ARAP1: variants seen among roughly 807,000 people sequenced by gnomAD.
ARAP1 encodes the protein ArfGAP with RhoGAP domain, ankyrin repeat and PH domain 1, also known as arf-GAP with Rho-GAP domain, ANK repeat and PH domain-containing protein 1.
In ARAP1, 76 loss-of-function variants were observed where a neutral mutation model predicts 172.2. The ratio of observed to expected loss-of-function variants is 0.44; its 90% confidence interval spans 0.37 to 0.53. The LOEUF (loss-of-function observed/expected upper bound fraction) is 0.53. ARAP1 is among the 20% of genes least tolerant of loss of function. The probability of loss-of-function intolerance (pLI) is 0.00; values close to 1 mark genes in which losing one functional copy is unlikely to be tolerated. For missense variants in ARAP1, 1,686 were observed against 1,977.5 expected (o/e 0.85, Z 2.80); for synonymous variants, 804 against 803.3 (o/e 1.00, Z -0.01).
At chr11:72,707,510 T>A in intron 11 of ARAP1, 136 bp from the exon 12 acceptor site, 1 of 741,652 alleles carries the variant, frequency 1.3e-6, no homozygotes, top group Non-Finnish European at 2.1e-6. Context: ...CCCACTCTGG[T>A]AGGGAAGGTA....
chr11:72,746,063 T>A (rs1044424793), intron 1 of ARAP1, among the ~76,000 whole-genome samples: 3 of 152,184 alleles, frequency 2.0e-5, no homozygotes, highest in South Asian at 2.1e-4. Flanking sequence ...CTTCAAGGCT[T>A]AACCTTGGTC....
Position 72,741,601 on chromosome 11 carries a change from C to A in ARAP1, c.-127-9004G>T, listed in dbSNP as rs1858200423. Among the ~76,000 whole-genome samples the A allele has an allele frequency of 6.6e-6, 1 of 152,202 alleles. No homozygotes were observed. Among genetic ancestry groups the A allele is most frequent in the African/African-American group, 2.4e-5 (1 of 41,444 alleles). The stretch of plus-strand genomic sequence containing the variant: ...CTCCAGGAAGATCCTCCTGTGACCA[C>A]TGCCCCCAGCGGGAGCAGGAGGGGG... On this transcript the variant is annotated intron_variant, in intron 1 of 34. Coordinates refer to ENST00000393609, the MANE Select transcript of ARAP1 (RefSeq NM_001040118.3). The surrounding 1 kb of genome is among the most constrained non-coding windows in gnomAD (Gnocchi z 4.5).
rs779162603 is a variant in ARAP1, at chr11:72,693,386, C to G, written c.3893G>C (p.Gly1298Ala). The G allele has an allele frequency of 8.7e-6, 14 of 1,613,850 alleles. No homozygotes were observed. The highest frequency in any genetic ancestry group is 3.3e-4 in the Middle Eastern group (2 of 6,080). The part of the protein sequence containing the change: ...SLLGLGLPSG[G>A]FHDRYFILNS... ...GAGGATGAAGTAGCGATCGTGGAAG[C>G]CACCTGAGGGCAGGCCCAGGCCCAG... is the stretch of plus-strand genomic sequence containing the variant. The change falls in exon 29 of 35, where the codon GGC (glycine) becomes GCC (alanine). Residue 1298 changes from glycine to alanine, a missense_variant. Gly to Ala is a moderately conservative substitution (Grantham distance 60). Around this residue, in one of 5 missense-constraint regions of ARAP1, gnomAD observed 379 missense variants for 500.1 expected, o/e 0.76. Transcript: ENST00000393609. This position sits in a 1 kb window ranked among gnomAD's most constrained non-coding sequence, Gnocchi z 4.6.
chr11:72,685,840 C>A, intron 34 of ARAP1, 159 bp from the exon 35 acceptor site: 1 of 1,347,182 alleles, frequency 7.4e-7, no homozygotes, highest in Non-Finnish European at 1.0e-6. Flanking sequence ...AGAGGGGACT[C>A]CCAGCTTCCA....
Position 72,696,729 on chromosome 11 carries a change from C to T in ARAP1, c.3167-75G>A, listed in dbSNP as rs981825034. On this transcript the variant is annotated intron_variant, in intron 22 of 34. Transcript: ENST00000393609. Reference sequence around the variant, plus strand: ...CCCCACCCCGCCTGGGCTGCTGTGCCTCTCATGGTGGGTGACAGCAGTCCC... The same window carrying T: ...CCCCACCCCGCCTGGGCTGCTGTGCTTCTCATGGTGGGTGACAGCAGTCCC... The T allele has an allele frequency of 1.7e-5, 21 of 1,256,938 alleles. No individual in the cohort carries two copies. In the Admixed American group the frequency reaches 3.9e-4, roughly 23 times the overall value. The allele number at this position is 1,256,938 out of a possible 1,614,324, so 77.9% of individuals were successfully genotyped here. A position where few individuals can be genotyped will look rare whatever the true frequency, so the allele number is the denominator to read the frequency against.
intron 18 of ARAP1, 107 bp downstream of exon 18, chr11:72,698,898 T>C (rs953993576): frequency 4.3e-6 from 5 of 1,170,816 alleles, no homozygotes; most frequent in Non-Finnish European, 3.8e-6. Flanking sequence ...GCCCTGCATC[T>C]AGCTTCTGCT....
chr11:72,702,550 C>G (rs555741629), intron 15 of ARAP1, among the ~76,000 whole-genome samples: 2 of 152,202 alleles, frequency 1.3e-5, no homozygotes, highest in African/African-American at 2.4e-5. Flanking sequence ...GCACCCCTCA[C>G]GCAGCAACAC....
chr11:72,739,465 G>A (rs1050759869), intron 1 of ARAP1, among the ~76,000 whole-genome samples: 2 of 152,000 alleles, frequency 1.3e-5, no homozygotes, highest in Non-Finnish European at 2.9e-5. Context: ...TGCTGGTGGG[G>A]AGTTGGGGGT....
intron 5 of ARAP1, 96 bp downstream of exon 5, chr11:72,713,055 GAAGGGGAAGCCTCCCGGGAAATGGC>G: frequency 9.5e-7 from 1 of 1,047,264 alleles, no homozygotes; most frequent in Non-Finnish European, 1.4e-6. Context: ...TGAGGTGGGG[GAAGGGGAAGCCTCCCGGGAAATGGC>G]TGCCCACTCT....
At chr11:72,692,674 T>G in intron 30 of ARAP1, 79 bp downstream of exon 30, 3 of 1,574,728 alleles carry the variant, frequency 1.9e-6, no homozygotes, top group Non-Finnish European at 2.6e-6. Context: ...GAGCCCTGGC[T>G]GTCTCCCCAT....
At chr11:72,736,537 C>T (rs1858031044) in intron 1 of ARAP1, among the ~76,000 whole-genome samples, 2 of 152,150 alleles carry the variant, frequency 1.3e-5, no homozygotes. Context: ...ACTGAGTCCT[C>T]ATCCTCAGGA....
chr11:72,713,345 C>T (rs1857120764), intron 4 of ARAP1, 102 bp from the exon 5 acceptor site: 5 of 1,066,676 alleles, frequency 4.7e-6, no homozygotes, highest in Non-Finnish European at 7.0e-6. Context: ...CCAAGACCCC[C>T]ATCCCCACCT....
chr11:72,723,344 C>T (rs1341508201), intron 3 of ARAP1, among the ~76,000 whole-genome samples: 5 of 151,990 alleles, frequency 3.3e-5, no homozygotes, highest in Non-Finnish European at 5.9e-5. Context: ...ATAATAATAG[C>T]AGGGGGTGCA....
Position 72,726,975 on chromosome 11 carries a change from G to T in ARAP1, c.154C>A (p.Leu52Ile), listed in dbSNP as rs746034169. The change falls in exon 3 of 35, where the codon CTA (leucine) becomes ATA (isoleucine). Residue 52 changes from leucine (L) to isoleucine (I), a missense_variant. Physicochemically the swap from Leu to Ile is conservative, Grantham distance 5. Transcript: ENST00000393609. This position sits in a 1 kb window ranked among gnomAD's most constrained non-coding sequence, Gnocchi z 6.5. ...SDTRLMDMGM[L>I]LPGHRRRILA... ...ATGCGGCGGCGGTGACCAGGGAGTA[G>T]CATGCCCATGTCCATCAGGCGGGTG... The T allele has an allele frequency of 6.2e-7, 1 of 1,603,636 alleles. No individual in the cohort carries two copies. Among genetic ancestry groups the T allele is most frequent in the Non-Finnish European group, 8.5e-7 (1 of 1,175,614 alleles).
Position 72,741,611 on chromosome 11 carries a change from C to T in ARAP1, c.-127-9014G>A, listed in dbSNP as rs536868424. 9.9e-5 allele frequency among the ~76,000 whole-genome samples: 15 copies of T among 151,980 alleles called. No individual in the cohort carries two copies. Among genetic ancestry groups the T allele is most frequent in the South Asian group, 6.3e-4 (3 of 4,778 alleles). On this transcript the variant is annotated intron_variant, in intron 1 of 34. Transcript: ENST00000393609. The surrounding 1 kb of genome is among the most constrained non-coding windows in gnomAD (Gnocchi z 4.5). ...ATCCTCCTGTGACCACTGCCCCCAG[C>T]GGGAGCAGGAGGGGGACTCCGAACA...
intron 1 of ARAP1, among the ~76,000 whole-genome samples, chr11:72,752,001 C>T (rs1159649341): frequency 6.6e-6 from 1 of 152,222 alleles, no homozygotes; most frequent in Non-Finnish European, 1.5e-5. Flanking sequence ...AAGGTCTCAG[C>T]GGCCAACGAG....
At chr11:72,707,107 A>G in intron 12 of ARAP1, 68 bp downstream of exon 12, 2 of 1,447,652 alleles carry the variant, frequency 1.4e-6, no homozygotes, top group Non-Finnish European at 1.9e-6. Flanking sequence ...TCCAGATAGG[A>G]TACCTGCCAT....
chr11:72,693,003 C>T lies in ARAP1; in HGVS notation c.3955-218G>A, dbSNP rs141920700. On this transcript the variant is annotated intron_variant, in intron 29 of 34. Coordinates refer to ENST00000393609, the MANE Select transcript of ARAP1 (RefSeq NM_001040118.3). The surrounding 1 kb of genome is among the most constrained non-coding windows in gnomAD (Gnocchi z 4.6). The stretch of plus-strand genomic sequence containing the variant: ...ATGACATACGATATGACAAGGCATG[C>T]ATGCACAACTTGGGGCTGTCATCAA... The T allele has an allele frequency of 1.6e-3, 1,066 of 657,802 alleles. 5 individuals carry two copies. Among genetic ancestry groups the T allele is most frequent in the Non-Finnish European group, 1.2e-3 (444 of 377,876 alleles). 40.7% of individuals were successfully genotyped at this position (657,802 alleles called of 1,614,324 possible). A position where few individuals can be genotyped will look rare whatever the true frequency, so the allele number is the denominator to read the frequency against.
At chr11:72,707,532 A>G (rs1231230573) in intron 11 of ARAP1, among the ~76,000 whole-genome samples, 158 bp from the exon 12 acceptor site, 1 of 152,182 alleles carries the variant, frequency 6.6e-6, no homozygotes, top group Admixed American at 6.5e-5. Flanking sequence ...GTGTGGACAA[A>G]GGCAAGGACA....
Sources: gnomAD v4.1 joint callset for allele counts (sites outside exome capture counted in the v4.1 genomes callset) on GRCh38, gnomAD v4.1.1 for gene constraint, gnomAD v4.1.1 regional missense constraint, Gnocchi (gnomAD v3.1) non-coding constraint, MANE v1.5 for transcripts, NCBI Gene and HGNC (gene_info 2026-07-23, HGNC 2026-07-21) for gene names.